Variants in NEGR1 observed in about 807,000 individuals in gnomAD.
NEGR1 encodes neuronal growth regulator 1.
A neutral mutation model predicts 40.9 loss-of-function variants in NEGR1; 10 were observed. That is an observed-to-expected ratio of 0.24 (90% CI 0.15 to 0.42). The LOEUF (loss-of-function observed/expected upper bound fraction) is 0.42. NEGR1 is among the 10% of genes least tolerant of loss of function. The pLI is 1.00. For missense variants in NEGR1, 352 were observed against 438.9 expected (o/e 0.80, Z 1.77); for synonymous variants, 185 against 166.8 (o/e 1.11, Z -0.84).
chr1:71,580,267 T>G (rs1168301746), intron 6 of NEGR1, among the ~76,000 whole-genome samples: 1 of 134,938 alleles, frequency 7.4e-6, no homozygotes, highest in Admixed American at 8.6e-5. Context: ...TGAGAACACA[T>G]GGACACAGGA....
At chr1:71,521,740 ATAG>A (rs1647158617) in intron 6 of NEGR1, among the ~76,000 whole-genome samples, 1 of 152,004 alleles carries the variant, frequency 6.6e-6, no homozygotes, top group Non-Finnish European at 1.5e-5. Flanking sequence ...AGTACAAATA[ATAG>A]TCTGATGAAA....
At chr1:71,695,950 T>C (rs934123656) in intron 4 of NEGR1, among the ~76,000 whole-genome samples, 6 of 151,812 alleles carry the variant, frequency 4.0e-5, no homozygotes, top group Non-Finnish European at 7.4e-5. Context: ...AAACCCACTA[T>C]GTACAGTTGT....
chr1:71,542,165 T>G (rs1373395723), intron 6 of NEGR1, among the ~76,000 whole-genome samples: 1 of 151,670 alleles, frequency 6.6e-6, no homozygotes, highest in African/African-American at 2.4e-5. Context: ...AACACTATGG[T>G]AGGAACTATG....
At chr1:72,262,883 T>C (rs1406993031) in intron 1 of NEGR1, among the ~76,000 whole-genome samples, 1 of 151,920 alleles carries the variant, frequency 6.6e-6, no homozygotes, top group East Asian at 1.9e-4. Flanking sequence ...TTATTTTTAC[T>C]TAAAATATGT....
At chr1:71,675,393 A>C (rs1652592882) in intron 4 of NEGR1, among the ~76,000 whole-genome samples, 1 of 151,370 alleles carries the variant, frequency 6.6e-6, no homozygotes, top group Non-Finnish European at 1.5e-5. Context: ...ATCAGCAAGA[A>C]GAGAGAGAAA....
intron 4 of NEGR1, among the ~76,000 whole-genome samples, chr1:71,691,096 T>A (rs1033285243): frequency 2.6e-5 from 4 of 151,940 alleles, no homozygotes; most frequent in Admixed American, 1.3e-4. Flanking sequence ...TACACTTCAG[T>A]TAAACTGGAT....
intron 1 of NEGR1, among the ~76,000 whole-genome samples, chr1:72,242,663 G>C (rs374430509): frequency 1.3e-5 from 2 of 151,574 alleles, no homozygotes; most frequent in East Asian, 3.9e-4. Context: ...ACATTTATCA[G>C]GCACTTATGT....
At chr1:72,107,261 T>C (rs78675950) in intron 1 of NEGR1, among the ~76,000 whole-genome samples, 1,799 of 151,820 alleles carry the variant, frequency 0.012, 40 homozygotes, top group African/African-American at 0.041. Context: ...AATAGAATGT[T>C]CTAATACACA....
chr1:71,468,550 G>A (rs1553144040), intron 6 of NEGR1: 1 of 151,694 alleles, frequency 6.6e-6, no homozygotes, highest in Non-Finnish European at 1.5e-5. Flanking sequence ...TTCATTACAG[G>A]GCACAACTAA....
chr1:71,789,128 TG>T, intron 2 of NEGR1, among the ~76,000 whole-genome samples: 1 of 152,244 alleles, frequency 6.6e-6, no homozygotes, highest in South Asian at 2.1e-4. Context: ...TATACACATA[TG>T]GAGGCTGGAC....
At chr1:71,682,874 C>G (rs1235821922) in intron 4 of NEGR1, among the ~76,000 whole-genome samples, 3 of 152,144 alleles carry the variant, frequency 2.0e-5, no homozygotes, top group African/African-American at 7.2e-5. Flanking sequence ...CTTCCTCTCT[C>G]TTGCTTTCTT....
chr1:71,488,866 G>C (rs1266497739), intron 6 of NEGR1, among the ~76,000 whole-genome samples: 3 of 151,686 alleles, frequency 2.0e-5, no homozygotes, highest in African/African-American at 4.8e-5. Context: ...CAAAGATGAT[G>C]GTGTGGTATA....
At chr1:72,242,102 A>T (rs534339167) in intron 1 of NEGR1, among the ~76,000 whole-genome samples, 1 of 151,864 alleles carries the variant, frequency 6.6e-6, no homozygotes, top group African/African-American at 2.4e-5. Flanking sequence ...TGGTGAAATT[A>T]TGGTGTCATT....
intron 2 of NEGR1, among the ~76,000 whole-genome samples, chr1:71,797,188 C>T (rs1226882043): frequency 3.3e-5 from 5 of 152,128 alleles, no homozygotes. Context: ...TAGTAATGTG[C>T]CTCGCAGTAC....
intron 2 of NEGR1, among the ~76,000 whole-genome samples, chr1:71,780,121 C>T (rs1028473952): frequency 6.7e-6 from 1 of 149,682 alleles, no homozygotes; most frequent in African/African-American, 2.5e-5. Flanking sequence ...TAGATGTGTG[C>T]CCCTTTTCTA....
Position 72,094,062 on chromosome 1 carries a change from G to A in NEGR1, c.177-158751C>T, listed in dbSNP as rs554538348. On this transcript the variant is annotated intron_variant, in intron 1 of 6. Transcript: ENST00000357731. Reference sequence around the variant, plus strand: ...TTTCTTTACAATTTAATAATCAGTGGTGTCACTTCTTACTGAAGTAAAAGA... The same window carrying A: ...TTTCTTTACAATTTAATAATCAGTGATGTCACTTCTTACTGAAGTAAAAGA... Among the ~76,000 whole-genome samples, 25 of 152,138 alleles carry A rather than the reference G, an allele frequency of 1.6e-4. No homozygotes were observed. In the South Asian group the frequency reaches 5.0e-3, roughly 30 times the overall value.
At position 71,654,601 on chromosome 1, in the gene NEGR1, T is replaced by G. The variant is rs913278406; in HGVS notation, c.667+43407A>C. Among the ~76,000 whole-genome samples the G allele has an allele frequency of 2.6e-5, 4 of 152,144 alleles. No homozygotes were observed. The South Asian group carries it at 8.3e-4, about 31-fold the overall frequency. ...TTATGGGTTTTTGGAAAGTGAATAT[T>G]CTGTACCCTGAACATATTCATTGGG... On this transcript the variant is annotated intron_variant, in intron 4 of 6. Transcript: ENST00000357731.
intron 1 of NEGR1, among the ~76,000 whole-genome samples, chr1:72,003,881 A>C (rs1013993599): frequency 4.6e-5 from 7 of 152,146 alleles, no homozygotes; most frequent in African/African-American, 7.2e-5. Context: ...TGTACTGTTA[A>C]CCCAGTACCA....
chr1:71,711,988 G>T (rs185663482), intron 3 of NEGR1, among the ~76,000 whole-genome samples: 2 of 152,260 alleles, frequency 1.3e-5, no homozygotes, highest in Admixed American at 6.5e-5. Context: ...TCAAGGTGAA[G>T]AATAGATCAG....
Sources: gnomAD v4.1 joint callset for allele counts (sites outside exome capture counted in the v4.1 genomes callset) on GRCh38, gnomAD v4.1.1 for gene constraint, MANE v1.5 for transcripts, NCBI Gene and HGNC (gene_info 2026-07-23, HGNC 2026-07-21) for gene names.